The following RNF17 variants were observed in gnomAD, a reference collection of about 807,000 sequenced individuals.
RNF17 encodes the protein spermatogenesis associated 23.
In RNF17, 31 loss-of-function variants were observed where a neutral mutation model predicts 200.5. That is an observed-to-expected ratio of 0.15 (90% CI 0.12 to 0.21). The LOEUF (loss-of-function observed/expected upper bound fraction) is 0.21, where lower values mean the gene tolerates loss of function less well. Among genes scored for constraint, RNF17 ranks in the 10% least tolerant of loss-of-function variants. The pLI is 1.00. For missense variants in RNF17, 1,628 were observed against 1,905.1 expected, an observed-to-expected ratio of 0.85 and a Z score of 2.71; for synonymous variants, 606 against 637.8, an observed-to-expected ratio of 0.95 and a Z score of 0.75.
chr13:24,868,287 G>A (rs1275193773), intron 30 of RNF17, among the ~76,000 whole-genome samples: 2 of 150,268 alleles, frequency 1.3e-5, no homozygotes, highest in Admixed American at 6.6e-5. Context: ...CGGCTAAAAC[G>A]GTGAAACCCC....
chr13:24,813,884 A>G (rs1593321501), intron 15 of RNF17, among the ~76,000 whole-genome samples: 2 of 124,098 alleles, frequency 1.6e-5, no homozygotes, highest in Admixed American at 9.8e-5. Flanking sequence ...TTGGTTTTGA[A>G]CTCCTGGTCC....
intron 19 of RNF17, among the ~76,000 whole-genome samples, chr13:24,842,779 GT>G (rs1890778965): frequency 6.6e-6 from 1 of 152,060 alleles, no homozygotes; most frequent in South Asian, 2.1e-4. Flanking sequence ...CTTGAGAGGA[GT>G]TTGAGACCAG....
At chr13:24,759,560 A>ATGT (rs1385047995), upstream of RNF17, among the ~76,000 whole-genome samples, 2 of 152,224 alleles carry the variant, frequency 1.3e-5, no homozygotes, top group African/African-American at 2.4e-5. Flanking sequence ...CTATCACAAG[A>ATGT]TGTTGTAGTT....
At chr13:24,844,279 G>GGGAGAGA (rs1891000397) in intron 20 of RNF17, among the ~76,000 whole-genome samples, 1 of 152,150 alleles carries the variant, frequency 6.6e-6, no homozygotes, top group Non-Finnish European at 1.5e-5. Flanking sequence ...CTCTAGTAGA[G>GGGAGAGA]GGAGAGAGAG....
chr13:24,764,428 C>A, intron 1 of RNF17, 95 bp downstream of exon 1: 1 of 1,436,608 alleles, frequency 7.0e-7, no homozygotes. Flanking sequence ...TGGTCAGCTG[C>A]ATCCAATCCT....
chr13:24,832,331 T>G (rs933346424), intron 18 of RNF17, among the ~76,000 whole-genome samples: 2 of 152,150 alleles, frequency 1.3e-5, no homozygotes, highest in Non-Finnish European at 2.9e-5. Flanking sequence ...GGGACATGAT[T>G]GGTAAACAGC....
At chr13:24,808,172 A>G (rs1886130824) in intron 15 of RNF17, among the ~76,000 whole-genome samples, 1 of 151,394 alleles carries the variant, frequency 6.6e-6, no homozygotes, top group South Asian at 2.1e-4. Flanking sequence ...GTTTTTTCCA[A>G]TTCTGTGAAG....
chr13:24,820,101 T>C (rs1426472683), intron 15 of RNF17, among the ~76,000 whole-genome samples: 1 of 146,198 alleles, frequency 6.8e-6, no homozygotes, highest in African/African-American at 2.5e-5. Flanking sequence ...AATTTCTTTC[T>C]TGTCTCTTTT....
At chr13:24,823,787 C>T (rs1028259174) in intron 15 of RNF17, among the ~76,000 whole-genome samples, 1 of 152,158 alleles carries the variant, frequency 6.6e-6, no homozygotes, top group African/African-American at 2.4e-5. Flanking sequence ...GATTCTCCTC[C>T]TGGCCTTAGA....
Position 24,877,070 on chromosome 13 carries a change from C to G in RNF17, c.4657C>G (p.Pro1553Ala), listed in dbSNP as rs572846232. 4 of 1,613,108 alleles carry G rather than the reference C, an allele frequency of 2.5e-6. No individual in the cohort carries two copies. In the African/African-American group the frequency reaches 5.3e-5, roughly 22 times the overall value. The change falls in exon 34 of 36, where the codon CCT becomes GCT. Residue 1553 changes from proline to alanine, a missense_variant. Coordinates refer to ENST00000255324, the MANE Select transcript of RNF17 (RefSeq NM_031277.3). ...AIKVLLAGFKPPLRDLGETRI... is the reference protein window; with the variant it reads ...AIKVLLAGFKAPLRDLGETRI... ...AAAGGTTCTCTTGGCAGGGTTTAAA[C>G]CTCCCTTAAGGGATCTAGGGGAGAC... is the stretch of plus-strand genomic sequence containing the variant.
intron 31 of RNF17, among the ~76,000 whole-genome samples, chr13:24,869,016 G>A (rs1282589457): frequency 2.6e-5 from 4 of 152,044 alleles, no homozygotes; most frequent in East Asian, 3.9e-4. Context: ...TAAACATCTC[G>A]CTTCCCTTCC....
At chr13:24,792,119 T>C (rs1883942235) in intron 9 of RNF17, among the ~76,000 whole-genome samples, 1 of 152,188 alleles carries the variant, frequency 6.6e-6, no homozygotes, top group South Asian at 2.1e-4. Context: ...GCAATCAATA[T>C]GTTCTTTTTG....
At chr13:24,885,707 T>C in the RNF17 span, 1 of 1,463,764 alleles carries the variant, frequency 6.8e-7, no homozygotes, top group East Asian at 2.3e-5. Context: ...AGATTTAATA[T>C]TTAATTGAAA....
At chr13:24,831,408 C>G (rs1292317899) in intron 17 of RNF17, among the ~76,000 whole-genome samples, 1 of 152,052 alleles carries the variant, frequency 6.6e-6, no homozygotes, top group Non-Finnish European at 1.5e-5. Flanking sequence ...TGCCATTGCC[C>G]TCTAGCCTGG....
chr13:24,847,357 T>A lies in RNF17; in HGVS notation c.3101+2278T>A, dbSNP rs950618723. On this transcript the variant is annotated intron_variant, in intron 22 of 35. Coordinates refer to ENST00000255324, the MANE Select transcript of RNF17 (RefSeq NM_031277.3). ...TTTTTATTTATTTATTTATTTTTTT[T>A]TTTTTTGAGACAGAGTCTCCCTCTG... Among the ~76,000 whole-genome samples, 66 of 151,026 alleles carry A rather than the reference T, an allele frequency of 4.4e-4. 1 individual carries two copies. Among genetic ancestry groups the A allele is most frequent in the African/African-American group, 6.1e-4 (25 of 40,748 alleles).
the RNF17 span, among the ~76,000 whole-genome samples, chr13:24,888,376 A>G: frequency 3.3e-5 from 5 of 152,192 alleles, no homozygotes; most frequent in South Asian, 4.1e-4. Flanking sequence ...ACACACACAC[A>G]TCCAAAATTT....
At position 24,789,609 on chromosome 13, in the gene RNF17, A is replaced by G. The variant is rs1028252377; in HGVS notation, c.861-89A>G. On this transcript the variant is annotated intron_variant, in intron 8 of 35. Transcript: ENST00000255324. ...AAGTTATTTAAATGTTTCCTTTTCA[A>G]TTCATTAATGTCAGCAATTGATTTT... 7.0e-5 allele frequency: 66 copies of G among 942,680 alleles called. 1 individual carries two copies. The highest frequency in any genetic ancestry group is 1.2e-4 in the Admixed American group (6 of 50,216). The allele number at this position is 942,680 out of a possible 1,614,324, so 58.4% of individuals were successfully genotyped here.
chr13:24,771,501 G>C (rs913982908), intron 2 of RNF17, among the ~76,000 whole-genome samples: 3 of 151,588 alleles, frequency 2.0e-5, no homozygotes, highest in Non-Finnish European at 4.4e-5. Flanking sequence ...AGTACTTTAT[G>C]TGATAGCAAT....
At chr13:24,757,213 A>ACACCTTTCT in the RNF17 span, among the ~76,000 whole-genome samples, 1 of 50,172 alleles carries the variant, frequency 2.0e-5, no homozygotes, top group Non-Finnish European at 5.0e-5. Flanking sequence ...CAGTCCTTTC[A>ACACCTTTCT]TCCCTCCCCA....
Sources: allele counts gnomAD v4.1 joint callset (sites outside exome capture counted in the v4.1 genomes callset), GRCh38; gene constraint gnomAD v4.1.1; transcripts MANE v1.5; gene names NCBI Gene and HGNC (gene_info 2026-07-23, HGNC 2026-07-21).